ADAMTS6: variants seen among roughly 807,000 people sequenced by gnomAD.
ADAMTS6 encodes the protein A disintegrin and metalloproteinase with thrombospondin motifs 6.
ADAMTS6 carries 23 observed loss-of-function variants against 144.3 expected under a neutral mutation model. The observed-to-expected ratio is 0.16, with a 90% CI of 0.11 to 0.23. The LOEUF is 0.23. ADAMTS6 is among the 10% of genes least tolerant of loss of function. The pLI, the probability that ADAMTS6 is intolerant of heterozygous loss-of-function variation, is 1.00. For synonymous variants in ADAMTS6, 444 were observed against 457.5 expected (o/e 0.97, Z 0.38); for missense variants, 999 against 1,379.6 (o/e 0.72, Z 4.37).
chr5:65,374,192 C>T (rs1466599864), intron 7 of ADAMTS6, among the ~76,000 whole-genome samples: 1 of 152,160 alleles, frequency 6.6e-6, no homozygotes, highest in South Asian at 2.1e-4. Context: ...CCTTAGAAAA[C>T]TGGCACAAGA....
At chr5:65,294,839 A>C (rs1742676625) in intron 10 of ADAMTS6, among the ~76,000 whole-genome samples, 1 of 149,828 alleles carries the variant, frequency 6.7e-6, no homozygotes, top group African/African-American at 2.5e-5. Context: ...ATTTCCCCCC[A>C]CCCCCAAAGG....
At chr5:65,284,096 A>G (rs934956540) in intron 11 of ADAMTS6, among the ~76,000 whole-genome samples, 1 of 152,156 alleles carries the variant, frequency 6.6e-6, no homozygotes, top group Admixed American at 6.6e-5. Flanking sequence ...TACAACTAAC[A>G]TACAATTATA....
intron 9 of ADAMTS6, among the ~76,000 whole-genome samples, chr5:65,319,532 T>A (rs1288717084): frequency 1.3e-4 from 18 of 133,436 alleles, no homozygotes; most frequent in Middle Eastern, 3.9e-3. Context: ...AAAAAAAAAA[T>A]TTATATATAT....
intron 4 of ADAMTS6, among the ~76,000 whole-genome samples, chr5:65,458,454 C>G (rs561837363): frequency 6.6e-6 from 1 of 152,206 alleles, no homozygotes; most frequent in African/African-American, 2.4e-5. Flanking sequence ...CTCTGTCACC[C>G]TGGCTGGAGT....
intron 11 of ADAMTS6, among the ~76,000 whole-genome samples, chr5:65,288,308 CTTTTCTTTTCTTTTTTTT>C (rs1355456394): frequency 2.2e-4 from 29 of 133,240 alleles, no homozygotes; most frequent in Admixed American, 1.0e-3. Context: ...TTCTTTTTTT[CTTTTCTTTTCTTTTTTTT>C]TTTTTTAAGA....
At chr5:65,468,239 A>T (rs1760173430) in intron 3 of ADAMTS6, among the ~76,000 whole-genome samples, 1 of 152,178 alleles carries the variant, frequency 6.6e-6, no homozygotes, top group African/African-American at 2.4e-5. Flanking sequence ...TCTCTGCATT[A>T]ACAACTATTT....
At chr5:65,235,064 A>G (rs1204604267) in intron 15 of ADAMTS6, among the ~76,000 whole-genome samples, 2 of 152,214 alleles carry the variant, frequency 1.3e-5, no homozygotes, top group African/African-American at 2.4e-5. Flanking sequence ...AGAGCTTATC[A>G]GGGATTGGGT....
At chr5:65,288,102 T>A (rs1741874020) in intron 11 of ADAMTS6, among the ~76,000 whole-genome samples, 1 of 151,354 alleles carries the variant, frequency 6.6e-6, no homozygotes, top group Admixed American at 6.6e-5. Flanking sequence ...AACAGAAAAA[T>A]TTTCATGTAA....
At chr5:65,334,548 G>C (rs1011794371) in intron 7 of ADAMTS6, among the ~76,000 whole-genome samples, 2 of 152,126 alleles carry the variant, frequency 1.3e-5, no homozygotes, top group African/African-American at 2.4e-5. Context: ...CTCTAGCACA[G>C]GTTCTTGTTA....
intron 21 of ADAMTS6, among the ~76,000 whole-genome samples, chr5:65,192,179 C>G (rs1755057286): frequency 6.6e-6 from 1 of 151,896 alleles, no homozygotes; most frequent in African/African-American, 2.4e-5. Context: ...AACCTAGCCA[C>G]TGGATAAAAA....
chr5:65,425,788 G>C (rs975794880), intron 7 of ADAMTS6, among the ~76,000 whole-genome samples: 1 of 151,254 alleles, frequency 6.6e-6, no homozygotes, highest in Non-Finnish European at 1.5e-5. Context: ...TTTTGAGACG[G>C]AGTCTCACTC....
chr5:65,399,544 G>A (rs142812883), intron 7 of ADAMTS6, among the ~76,000 whole-genome samples: 49 of 151,236 alleles, frequency 3.2e-4, no homozygotes, highest in African/African-American at 1.1e-3. Flanking sequence ...CTTTTTAAGT[G>A]GTTACTCTAG....
chr5:65,222,936 A>C (rs1450923332), intron 18 of ADAMTS6, among the ~76,000 whole-genome samples: 1 of 151,950 alleles, frequency 6.6e-6, no homozygotes, highest in African/African-American at 2.4e-5. Flanking sequence ...ATATCCATAA[A>C]ATATATCTGA....
intron 7 of ADAMTS6, among the ~76,000 whole-genome samples, chr5:65,399,780 A>C (rs1177912074): frequency 1.3e-5 from 2 of 152,182 alleles, no homozygotes; most frequent in Non-Finnish European, 2.9e-5. Flanking sequence ...CATTTTTAAC[A>C]AACTGTTATC....
chr5:65,440,612 T>C (rs924071744), intron 7 of ADAMTS6, among the ~76,000 whole-genome samples: 4 of 152,142 alleles, frequency 2.6e-5, no homozygotes, highest in African/African-American at 9.7e-5. Context: ...TTCAGTTGAG[T>C]GTGAATCTGG....
intron 7 of ADAMTS6, among the ~76,000 whole-genome samples, chr5:65,337,808 A>T (rs1360083168): frequency 6.6e-6 from 1 of 152,184 alleles, no homozygotes; most frequent in Non-Finnish European, 1.5e-5. Context: ...ATTTTCCTCC[A>T]GATCCAAGCC....
At chr5:65,438,651 T>C (rs892994347) in intron 7 of ADAMTS6, among the ~76,000 whole-genome samples, 3 of 152,222 alleles carry the variant, frequency 2.0e-5, no homozygotes, top group South Asian at 2.1e-4. Flanking sequence ...TCTGCTATTA[T>C]ATCTTGAAAT....
chr5:65,431,071 T>C (rs1390324148), intron 7 of ADAMTS6, among the ~76,000 whole-genome samples: 1 of 152,198 alleles, frequency 6.6e-6, no homozygotes, highest in Non-Finnish European at 1.5e-5. Context: ...AAATGTTTGT[T>C]GAGTGTCTCA....
chr5:65,278,315 A>G (rs758509622), intron 11 of ADAMTS6, among the ~76,000 whole-genome samples: 12 of 152,214 alleles, frequency 7.9e-5, no homozygotes, highest in African/African-American at 1.4e-4. Context: ...TCTTTTCCAT[A>G]TAATGACTTC....
Sources: allele counts gnomAD v4.1 joint callset (sites outside exome capture counted in the v4.1 genomes callset), GRCh38; gene constraint gnomAD v4.1.1; transcripts MANE v1.5; gene names NCBI Gene and HGNC (gene_info 2026-07-23, HGNC 2026-07-21).